SELENOO: variants seen among roughly 807,000 people sequenced by gnomAD.
The protein encoded by SELENOO is protein adenylyltransferase SelO, mitochondrial.
A neutral mutation model predicts 58.7 loss-of-function variants in SELENOO; 74 were observed. That is an observed-to-expected ratio of 1.26 (90% confidence interval 1.04 to 1.53). The LOEUF is 1.53. Among genes scored for constraint, SELENOO ranks in the 40% most tolerant of loss-of-function variants. The probability of loss-of-function intolerance (pLI) is 0.00; values close to 1 mark genes in which losing one functional copy is unlikely to be tolerated. For missense variants in SELENOO, 1,149 were observed against 970.0 expected (o/e 1.18, Z -2.45); for synonymous variants, 543 against 453.2 (o/e 1.20, Z -2.52).
At position 50,217,512 on chromosome 22, in the gene SELENOO, A is replaced by T; in HGVS notation, c.*143A>T. 5.2e-6 allele frequency: 6 copies of T among 1,150,044 alleles called. No individual in the cohort carries two copies. The South Asian group carries it at 8.8e-5, about 17-fold the overall frequency. 71.2% of individuals were successfully genotyped at this position (1,150,044 alleles called of 1,614,324 possible). A position where few individuals can be genotyped will look rare whatever the true frequency, so the allele number is the denominator to read the frequency against. On this transcript the variant is annotated 3_prime_UTR_variant, in exon 9 of 9. Transcript: ENST00000380903. Reference sequence around the variant, plus strand: ...CCCGTCTTTCCATGATGGCAGAGACATCCAGTCAGGACCTGACCCGTCTCT... The same window carrying T: ...CCCGTCTTTCCATGATGGCAGAGACTTCCAGTCAGGACCTGACCCGTCTCT...
chr22:50,210,354 G>C (rs771083904), intron 4 of SELENOO, 43 bp downstream of exon 4: 2 of 1,594,218 alleles, frequency 1.3e-6, no homozygotes, highest in East Asian at 2.2e-5. Context: ...CCCCAGGGCT[G>C]GGGGGTGCGG....
At chr22:50,209,887 C>T (rs1245564826) in intron 3 of SELENOO, among the ~76,000 whole-genome samples, 5 of 152,264 alleles carry the variant, frequency 3.3e-5, no homozygotes, top group Non-Finnish European at 7.3e-5. Context: ...TGACCCTTCT[C>T]TGCTTCTTTG....
intron 2 of SELENOO, among the ~76,000 whole-genome samples, chr22:50,207,220 TC>T (rs1314885094): frequency 1.3e-5 from 2 of 151,966 alleles, no homozygotes; most frequent in African/African-American, 2.4e-5. Flanking sequence ...CCTCCCGGGT[TC>T]AAGCGATTCT....
chr22:50,212,417 A>G (rs1325353740), intron 5 of SELENOO, among the ~76,000 whole-genome samples: 1 of 152,112 alleles, frequency 6.6e-6, no homozygotes, highest in African/African-American at 2.4e-5. Context: ...CTTGTAGGTA[A>G]TTTTGGCATA....
intron 5 of SELENOO, among the ~76,000 whole-genome samples, chr22:50,211,241 G>A (rs566810518): frequency 9.2e-5 from 14 of 152,310 alleles, no homozygotes; most frequent in African/African-American, 2.6e-4. Flanking sequence ...GCTTATCCAC[G>A]ACATACTGGC....
At position 50,216,761 on chromosome 22, in the gene SELENOO, G is replaced by A; in HGVS notation, c.1573G>A (p.Gly525Ser). ...QLFALMGTRA[G>S]IARELERVEQ... ...GTTCGCGCTTATGGGCACCCGGGCA[G>A]GCATCGCCAGGGAGCTGGAGCGTGT... is the stretch of plus-strand genomic sequence containing the variant. The change falls in exon 7 of 9, where the codon GGC becomes AGC. Residue 525 changes from glycine to serine, a missense_variant. Transcript: ENST00000380903. 6.2e-7 allele frequency: 1 copy of A among 1,608,254 alleles called. No homozygotes were observed. The highest frequency in any genetic ancestry group is 8.5e-7 in the Non-Finnish European group (1 of 1,179,596).
In SELENOO at chr22:50,201,288, C is replaced by T; in HGVS notation, c.252C>T (p.Arg84=). Residue 84 remains arginine (R), a synonymous_variant, in exon 1 of 9, where the codon CGC becomes CGT. Coordinates refer to ENST00000380903, the MANE Select transcript of SELENOO (RefSeq NM_031454.2). ...CCGTGCCCGGGGCCTGCTTCACCCG[C>T]GTGCAGCCCACCCCGCTGCGGCAGC... The part of the protein sequence containing the change: ...PRPVPGACFT[R]VQPTPLRQPR... The T allele has an allele frequency of 9.2e-7, 1 of 1,084,630 alleles. No individual in the cohort carries two copies. Among genetic ancestry groups the T allele is most frequent in the Non-Finnish European group, 1.1e-6 (1 of 896,988 alleles). 67.2% of individuals were successfully genotyped at this position (1,084,630 alleles called of 1,614,324 possible). A position where few individuals can be genotyped will look rare whatever the true frequency, so the allele number is the denominator to read the frequency against.
intron 1 of SELENOO, chr22:50,206,048 C>T (rs1355059761): frequency 1.3e-5 from 7 of 539,792 alleles, no homozygotes; most frequent in South Asian, 1.0e-4. Flanking sequence ...GCGGAACCCT[C>T]GTTCTGGGCA....
rs373628007 is a variant in SELENOO at position 50,216,781 on chromosome 22, G to A, written c.1593G>A (p.Glu531=). 18 of 1,609,064 alleles carry A rather than the reference G, an allele frequency of 1.1e-5. No individual in the cohort carries two copies. Among genetic ancestry groups the A allele is most frequent in the Non-Finnish European group, 1.4e-5 (16 of 1,179,840 alleles). ...GTRAGIAREL[E]RVEQQSRLEQ... is the part of the protein sequence containing the mutation. ...GGGCAGGCATCGCCAGGGAGCTGGA[G>A]CGTGTGGAGCAGCAGTCTCGGCTGG... The change falls in exon 7 of 9, where the codon GAG becomes GAA. Residue 531 remains glutamate, a synonymous_variant. Transcript: ENST00000380903.
chr22:50,214,026 C>T (rs1373663399), intron 5 of SELENOO, among the ~76,000 whole-genome samples: 3 of 152,174 alleles, frequency 2.0e-5, no homozygotes, highest in Admixed American at 1.3e-4. Flanking sequence ...GTTGTCTGTC[C>T]CTTCCATTCT....
At chr22:50,202,955 C>T (rs774248178) in intron 1 of SELENOO, among the ~76,000 whole-genome samples, 18 of 152,360 alleles carry the variant, frequency 1.2e-4, no homozygotes, top group Non-Finnish European at 2.1e-4. Context: ...TAAATGGAAA[C>T]ATCCCTTGTT....
chr22:50,207,914 CCT>C (rs1219056120), intron 2 of SELENOO, among the ~76,000 whole-genome samples: 1 of 147,736 alleles, frequency 6.8e-6, no homozygotes, highest in Non-Finnish European at 1.5e-5. Flanking sequence ...CGAAAACACT[CCT>C]CGTGGGGTTG....
At chr22:50,208,906 T>A (rs990865583) in intron 3 of SELENOO, 190 bp downstream of exon 3, 3 of 518,024 alleles carry the variant, frequency 5.8e-6, no homozygotes, top group Non-Finnish European at 1.0e-5. Flanking sequence ...GAAACTCCCC[T>A]GGGCTCCGTG....
rs754520030 is a variant in SELENOO at position 50,210,895 on chromosome 22, G to A, written c.1335G>A (p.Glu445=). The A allele has an allele frequency of 1.2e-6, 2 of 1,613,962 alleles. No individual in the cohort carries two copies. Among genetic ancestry groups the A allele is most frequent in the African/African-American group, 1.3e-5 (1 of 74,948 alleles). The change falls in exon 5 of 9, where the codon GAG becomes GAA. Residue 445 remains glutamate, a synonymous_variant. Coordinates refer to ENST00000380903, the MANE Select transcript of SELENOO (RefSeq NM_031454.2). ...GGGCGCTGGTGTCCAAGCTCCTGGA[G>A]ACCATGCATCTGACCGGTGAGTGAC... ...EDGALVSKLL[E]TMHLTGADFT...
At chr22:50,201,629 C>T in intron 1 of SELENOO, 39 bp downstream of exon 1, 4 of 1,221,646 alleles carry the variant, frequency 3.3e-6, no homozygotes, top group Non-Finnish European at 4.1e-6. Context: ...TGGGTCCTCC[C>T]CGCCGGGGCG....
chr22:50,201,136 T>A lies in SELENOO; in HGVS notation c.100T>A (p.Ser34Thr). The A allele has an allele frequency of 7.6e-7, 1 of 1,308,864 alleles. No individual in the cohort carries two copies. The allele number at this position is 1,308,864 out of a possible 1,614,324, so 81.1% of individuals were successfully genotyped here. The stretch of plus-strand genomic sequence containing the variant: ...GTCGCCGGCGCCCCGCTCTACGTTG[T>A]CGGGCGCCGCCATGGAGCCCGCGCC... ...SPSPAPRSTLSGAAMEPAPRW... is the reference protein window; with the variant it reads ...SPSPAPRSTLTGAAMEPAPRW... Residue 34 changes from serine (S) to threonine (T), a missense_variant, in exon 1 of 9, where the codon TCG becomes ACG. Coordinates refer to ENST00000380903, the MANE Select transcript of SELENOO (RefSeq NM_031454.2).
intron 6 of SELENOO, 87 bp downstream of exon 6, chr22:50,215,954 A>G: frequency 7.8e-7 from 1 of 1,286,630 alleles, no homozygotes; most frequent in East Asian, 2.4e-5. Context: ...AGCTAGAGAC[A>G]GAGCTGGCTG....
Position 50,217,615 on chromosome 22 carries a change from G to T in SELENOO, c.*246G>T, listed in dbSNP as rs1464215424. The T allele has an allele frequency of 9.3e-7, 1 of 1,071,406 alleles. No homozygotes were observed. 66.4% of individuals were successfully genotyped at this position (1,071,406 alleles called of 1,614,324 possible). A position where few individuals can be genotyped will look rare whatever the true frequency, so the allele number is the denominator to read the frequency against. ...TCCTAAATAAACCAGCAACTCCCTC[G>T]AGTCTGTCTCTGTGGTCATTGTTCC... On this transcript the variant is annotated 3_prime_UTR_variant, in exon 9 of 9. Transcript: ENST00000380903.
At chr22:50,206,789 C>T (rs1027055635) in intron 2 of SELENOO, among the ~76,000 whole-genome samples, 4 of 152,162 alleles carry the variant, frequency 2.6e-5, no homozygotes, top group Non-Finnish European at 4.4e-5. Context: ...GCCAGGCCCT[C>T]GTTGCAGCCA....
Sources: allele counts gnomAD v4.1 joint callset (sites outside exome capture counted in the v4.1 genomes callset), GRCh38; gene constraint gnomAD v4.1.1; transcripts MANE v1.5; gene names NCBI Gene and HGNC (gene_info 2026-07-23, HGNC 2026-07-21).